Variants in NDUFA12 observed in about 807,000 individuals in gnomAD.
The protein encoded by NDUFA12 is NADH dehydrogenase [ubiquinone] 1 alpha subcomplex subunit 12.
NDUFA12 carries 17 observed loss-of-function variants against 20.3 expected under a neutral mutation model. The observed-to-expected ratio is 0.84, with a 90% CI of 0.57 to 1.26. The LOEUF is 1.26. Among genes scored for constraint, NDUFA12 ranks in the 50% most tolerant of loss-of-function variants. NDUFA12 has a pLI of 0.00. For synonymous variants in NDUFA12, 72 were observed against 63.6 expected, an observed-to-expected ratio of 1.13 and a Z score of -0.63; for missense variants, 191 against 183.7, an observed-to-expected ratio of 1.04 and a Z score of -0.23.
At chr12:94,994,340 T>TA in intron 2 of NDUFA12, 83 bp from the exon 3 acceptor site, 1 of 1,035,832 alleles carries the variant, frequency 9.7e-7, no homozygotes, top group Non-Finnish European at 1.5e-6. Context: ...ACAACCTTTT[T>TA]ATTAAGAAAA....
chr12:95,003,499 G>T lies in NDUFA12; in HGVS notation c.86+96C>A, dbSNP rs17321986. 0.081 allele frequency: 104,924 copies of T among 1,303,166 alleles called. 4,928 individuals carry two copies. Among genetic ancestry groups the T allele is most frequent in the Middle Eastern group, 0.18 (970 of 5,500 alleles). 80.7% of individuals were successfully genotyped at this position (1,303,166 alleles called of 1,614,324 possible). On this transcript the variant is annotated intron_variant, in intron 1 of 3. Coordinates refer to ENST00000327772, the MANE Select transcript of NDUFA12 (RefSeq NM_018838.5). ...GCGGTTGTCCTTGACAAGAGCTGTG[G>T]ATTCTCCAAGGTGACCCGAGCCTGG...
At chr12:94,994,080 T>C in intron 3 of NDUFA12, 90 bp downstream of exon 3, 3 of 1,142,922 alleles carry the variant, frequency 2.6e-6, no homozygotes, top group Non-Finnish European at 3.9e-6. Flanking sequence ...GTCATGATCA[T>C]GTCACTGCAC....
intron 3 of NDUFA12, among the ~76,000 whole-genome samples, chr12:94,978,128 G>A (rs535288561): frequency 1.3e-5 from 2 of 152,356 alleles, no homozygotes; most frequent in African/African-American, 4.8e-5. Flanking sequence ...GCCTCGCAGA[G>A]CATGGAAGGA....
chr12:94,976,117 AATTT>A (rs1460373416), intron 3 of NDUFA12, among the ~76,000 whole-genome samples: 2 of 152,202 alleles, frequency 1.3e-5, no homozygotes, highest in African/African-American at 4.8e-5. Flanking sequence ...TTATTTGCCT[AATTT>A]ATTTAATACT....
At position 94,971,451 on chromosome 12, in the gene NDUFA12, G is replaced by A. The variant is rs1399500271; in HGVS notation, c.427C>T (p.Pro143Ser). ...KIQEWIPPST[P>S]YK ...GTTCTTCATTGTCTTTACTTGTAAG[G>A]TGTTGAAGGTGGGATCCACTCCTGA... The change falls in exon 4 of 4, where the codon CCT (proline) becomes TCT (serine). Residue 143 changes from proline (P) to serine (S), a missense_variant. Pro to Ser is a moderately conservative substitution (Grantham distance 74). Transcript: ENST00000327772. 1 of 1,613,960 alleles carries A rather than the reference G, an allele frequency of 6.2e-7. No individual in the cohort carries two copies. Among genetic ancestry groups the A allele is most frequent in the East Asian group, 2.2e-5 (1 of 44,902 alleles).
intron 2 of NDUFA12, among the ~76,000 whole-genome samples, chr12:95,000,561 A>C (rs1306361735): frequency 6.6e-6 from 1 of 152,248 alleles, no homozygotes; most frequent in Non-Finnish European, 1.5e-5. Flanking sequence ...TTCATCTTTT[A>C]ATACAGCTTT....
intron 3 of NDUFA12, among the ~76,000 whole-genome samples, chr12:94,983,449 G>A (rs1874306728): frequency 1.3e-5 from 2 of 152,186 alleles, no homozygotes; most frequent in Non-Finnish European, 2.9e-5. Flanking sequence ...GAGGTCTACT[G>A]AATGAGCTGG....
chr12:94,985,637 A>AG (rs2136064747), intron 3 of NDUFA12, among the ~76,000 whole-genome samples: 1 of 151,084 alleles, frequency 6.6e-6, no homozygotes, highest in East Asian at 1.9e-4. Flanking sequence ...AAAAAAAAAA[A>AG]AAAAAAAAAA....
intron 3 of NDUFA12, among the ~76,000 whole-genome samples, chr12:94,973,270 C>T (rs1327894906): frequency 2.0e-5 from 3 of 152,158 alleles, no homozygotes; most frequent in Non-Finnish European, 2.9e-5. Context: ...TCAGCTTATA[C>T]AATGAAGAAT....
intron 3 of NDUFA12, chr12:94,972,478 C>A (rs1873921547): frequency 2.2e-6 from 1 of 453,968 alleles, no homozygotes; most frequent in South Asian, 1.6e-5. Context: ...TAGTTTAAAA[C>A]CCATGAGGCT....
At chr12:94,978,705 G>A (rs1874139853) in intron 3 of NDUFA12, among the ~76,000 whole-genome samples, 1 of 152,022 alleles carries the variant, frequency 6.6e-6, no homozygotes, top group Non-Finnish European at 1.5e-5. Flanking sequence ...GAAAATGATT[G>A]TTCCTTATTT....
intron 3 of NDUFA12, among the ~76,000 whole-genome samples, chr12:94,992,452 T>C (rs1275300061): frequency 6.6e-6 from 1 of 152,182 alleles, no homozygotes; most frequent in East Asian, 1.9e-4. Context: ...TACTATGGCA[T>C]ATTGTTTTTC....
rs387907139 is a variant in NDUFA12 at position 94,994,249 on chromosome 12, G to C, written c.178C>G (p.Arg60Gly). ...EDNKQFFGRH[R>G]WVVYTTEMNG... ...ATTTCAGTAGTATATACAACCCATC[G>C]GTGACGGCCTGGGTGGGAAGATGAA... Residue 60 changes from arginine to glycine, a missense_variant, in exon 3 of 4, where the codon CGA becomes GGA. Arg to Gly is a moderately radical substitution (Grantham distance 125). Coordinates refer to ENST00000327772, the MANE Select transcript of NDUFA12 (RefSeq NM_018838.5). The C allele has an allele frequency of 4.3e-6, 7 of 1,613,816 alleles. No individual in the cohort carries two copies. The highest frequency in any genetic ancestry group is 2.2e-5 in the East Asian group (1 of 44,888).
chr12:94,998,942 C>G (rs1874928130), intron 2 of NDUFA12, among the ~76,000 whole-genome samples: 3 of 152,112 alleles, frequency 2.0e-5, no homozygotes, highest in Admixed American at 6.6e-5. Flanking sequence ...TAATTTCCAT[C>G]AAAATACCAT....
chr12:95,000,190 C>A (rs1044195601), intron 2 of NDUFA12, among the ~76,000 whole-genome samples: 1 of 152,126 alleles, frequency 6.6e-6, no homozygotes, highest in African/African-American at 2.4e-5. Context: ...TTGGATGGAG[C>A]TGGAGGCCAT....
chr12:94,983,888 G>A (rs570457812), intron 3 of NDUFA12, among the ~76,000 whole-genome samples: 4 of 32,806 alleles, frequency 1.2e-4, no homozygotes, highest in East Asian at 7.9e-4. Context: ...GTGGGCCCGA[G>A]GAATGTAGCA....
intron 3 of NDUFA12, chr12:94,971,915 T>C (rs1409827779): frequency 1.9e-6 from 1 of 513,776 alleles, no homozygotes; most frequent in African/African-American, 1.9e-5. Flanking sequence ...TTTTTTTTTC[T>C]TCGTTTTCTT....
At chr12:94,995,994 G>A (rs754122091) in intron 2 of NDUFA12, among the ~76,000 whole-genome samples, 1 of 151,584 alleles carries the variant, frequency 6.6e-6, no homozygotes, top group Non-Finnish European at 1.5e-5. Context: ...GATCACTTGA[G>A]CTCAGGAGTT....
chr12:94,985,316 C>CCCTA (rs1874390255), intron 3 of NDUFA12, among the ~76,000 whole-genome samples: 1 of 151,698 alleles, frequency 6.6e-6, no homozygotes, highest in African/African-American at 2.4e-5. Context: ...CATAGCGAGA[C>CCCTA]CCTATCTTTA....
Sources: gnomAD v4.1 joint callset for allele counts (sites outside exome capture counted in the v4.1 genomes callset) on GRCh38, gnomAD v4.1.1 for gene constraint, MANE v1.5 for transcripts, NCBI Gene and HGNC (gene_info 2026-07-23, HGNC 2026-07-21) for gene names.